SMPDL3B: variants seen among roughly 807,000 people sequenced by gnomAD.
SMPDL3B encodes the protein sphingomyelin phosphodiesterase acid like 3B, also known as acid sphingomyelinase-like phosphodiesterase 3b.
In SMPDL3B, 31 loss-of-function variants were observed where a neutral mutation model predicts 37.9. The observed-to-expected ratio is 0.82, with a 90% CI of 0.61 to 1.10. SMPDL3B has a LOEUF of 1.10. Among genes scored for constraint, SMPDL3B ranks in the 50% least tolerant of loss-of-function variants. The pLI is 0.00. For missense variants in SMPDL3B, 525 were observed against 597.8 expected, an observed-to-expected ratio of 0.88 and a Z score of 1.27; for synonymous variants, 235 against 242.6, an observed-to-expected ratio of 0.97 and a Z score of 0.29.
chr1:27,940,499 G>A (rs537978318), intron 1 of SMPDL3B, among the ~76,000 whole-genome samples: 5 of 151,960 alleles, frequency 3.3e-5, no homozygotes, highest in Non-Finnish European at 5.9e-5. Context: ...GGGGTAGGGG[G>A]CGCTGTTATC....
intron 1 of SMPDL3B, among the ~76,000 whole-genome samples, chr1:27,942,721 T>G (rs2090371058): frequency 6.6e-6 from 1 of 151,750 alleles, no homozygotes; most frequent in South Asian, 2.1e-4. Flanking sequence ...TGGAGTGCAG[T>G]GGCACAATCT....
rs751601384 is a variant in SMPDL3B, at chr1:27,953,365, A to G, written c.517+7A>G. ...ATCGCTCTCTTCAAAAAAGGTACCA[A>G]CACCACCTGCTCCTATCAAGAGCAC... On this transcript the variant is annotated splice_region_variant and intron_variant, in intron 4 of 7. Transcript: ENST00000373894. 44 of 1,607,818 alleles carry G rather than the reference A, an allele frequency of 2.7e-5. No individual in the cohort carries two copies. Among genetic ancestry groups the G allele is most frequent in the Non-Finnish European group, 3.7e-5 (44 of 1,177,328 alleles).
rs61789699 is a variant in SMPDL3B, at chr1:27,957,574, G to A, written c.1006-902G>A. Among the ~76,000 whole-genome samples the A allele has an allele frequency of 7.6e-3, 1,150 of 152,248 alleles. 11 individuals carry two copies. Among genetic ancestry groups the A allele is most frequent in the Middle Eastern group, 0.017 (5 of 294 alleles). On this transcript the variant is annotated intron_variant, in intron 7 of 7. Transcript: ENST00000373894. The stretch of plus-strand genomic sequence containing the variant: ...AGATGTGATCTGGGAGTGGAGAGAG[G>A]ACATTTAAAGCCAACGACTGCATGA...
chr1:27,946,692 CTT>C lies in SMPDL3B; in HGVS notation c.275+1249_275+1250del, dbSNP rs1353736353. 5.9e-5 allele frequency among the ~76,000 whole-genome samples: 9 copies of C among 152,324 alleles called. No individual in the cohort carries two copies. In the East Asian group the frequency reaches 1.7e-3, roughly 29 times the overall value. Reference sequence around the variant, plus strand: ...CGAGGAAGGCTGGAAGGAATTCTGACTTTGCGCTCCCTCTACCAGCCTCAGTG... The same window carrying C: ...CGAGGAAGGCTGGAAGGAATTCTGACTGCGCTCCCTCTACCAGCCTCAGTG... On this transcript the variant is annotated intron_variant, in intron 2 of 7. Coordinates refer to ENST00000373894, the MANE Select transcript of SMPDL3B (RefSeq NM_014474.4).
At chr1:27,935,680 G>A (rs2090301348) in intron 1 of SMPDL3B, among the ~76,000 whole-genome samples, 1 of 152,144 alleles carries the variant, frequency 6.6e-6, no homozygotes, top group Non-Finnish European at 1.5e-5. Context: ...AGTAAAGTAC[G>A]CAGCATTGGA....
intron 3 of SMPDL3B, among the ~76,000 whole-genome samples, chr1:27,951,664 T>C (rs971010149): frequency 6.6e-6 from 1 of 152,118 alleles, no homozygotes; most frequent in Non-Finnish European, 1.5e-5. Context: ...CTGGGCAACA[T>C]AGCAAGACCC....
chr1:27,958,840 C>G lies in SMPDL3B; in HGVS notation c.*2C>G. Reference sequence around the variant, plus strand: ...GGCCTGTGCACGCTCGTGCTGTGACCTGCCAGGCTCACCTTCTTCCTGGTA... The same window carrying G: ...GGCCTGTGCACGCTCGTGCTGTGACGTGCCAGGCTCACCTTCTTCCTGGTA... On this transcript the variant is annotated 3_prime_UTR_variant, in exon 8 of 8. Coordinates refer to ENST00000373894, the MANE Select transcript of SMPDL3B (RefSeq NM_014474.4). The surrounding 1 kb of genome is among the most constrained non-coding windows in gnomAD (Gnocchi z 5.6). 1 of 1,572,928 alleles carries G rather than the reference C, an allele frequency of 6.4e-7. No homozygotes were observed. Among genetic ancestry groups the G allele is most frequent in the Non-Finnish European group, 8.7e-7 (1 of 1,154,748 alleles).
chr1:27,946,541 C>T (rs2148676514), intron 2 of SMPDL3B, among the ~76,000 whole-genome samples: 1 of 152,182 alleles, frequency 6.6e-6, no homozygotes, highest in Non-Finnish European at 1.5e-5. Context: ...ATTGACCCTA[C>T]CCTTACATCC....
Position 27,958,860 on chromosome 1 carries a change from C to G in SMPDL3B, c.*22C>G, listed in dbSNP as rs1360476627. The G allele has an allele frequency of 1.9e-6, 3 of 1,550,142 alleles. No individual in the cohort carries two copies. Among genetic ancestry groups the G allele is most frequent in the Admixed American group, 1.8e-5 (1 of 54,286 alleles). Reference sequence around the variant, plus strand: ...GTGACCTGCCAGGCTCACCTTCTTCCTGGTAACGGGTAACGGGGGCAGCGC... The same window carrying G: ...GTGACCTGCCAGGCTCACCTTCTTCGTGGTAACGGGTAACGGGGGCAGCGC... On this transcript the variant is annotated 3_prime_UTR_variant, in exon 8 of 8. Coordinates refer to ENST00000373894, the MANE Select transcript of SMPDL3B (RefSeq NM_014474.4). The surrounding 1 kb of genome is among the most constrained non-coding windows in gnomAD (Gnocchi z 5.6).
At position 27,945,563 on chromosome 1, in the gene SMPDL3B, T is replaced by C; in HGVS notation, c.275+118T>C. 1.2e-6 allele frequency: 1 copy of C among 840,478 alleles called. No individual in the cohort carries two copies. The allele number at this position is 840,478 out of a possible 1,614,324, so 52.1% of individuals were successfully genotyped here. A position where few individuals can be genotyped will look rare whatever the true frequency, so the allele number is the denominator to read the frequency against. On this transcript the variant is annotated intron_variant, in intron 2 of 7. Transcript: ENST00000373894. This position sits in a 1 kb window ranked among gnomAD's most constrained non-coding sequence, Gnocchi z 4.0. ...TCCTCACATCAGTCTCACGTGAGGC[T>C]GAGGAACCTAAAGCTCAAAGGAATT... is the stretch of plus-strand genomic sequence containing the variant.
chr1:27,946,233 G>A (rs1462174780), intron 2 of SMPDL3B, among the ~76,000 whole-genome samples: 1 of 151,798 alleles, frequency 6.6e-6, no homozygotes, highest in Admixed American at 6.6e-5. Context: ...CACGCCTGTG[G>A]TTCCAGCTAC....
chr1:27,949,669 A>G (rs904680512), intron 3 of SMPDL3B, among the ~76,000 whole-genome samples: 3 of 152,140 alleles, frequency 2.0e-5, no homozygotes, highest in African/African-American at 4.8e-5. Flanking sequence ...CAGCAGCCCT[A>G]CGGGACACTA....
At chr1:27,951,537 C>T (rs927341357) in intron 3 of SMPDL3B, among the ~76,000 whole-genome samples, 2 of 152,202 alleles carry the variant, frequency 1.3e-5, no homozygotes, top group African/African-American at 2.4e-5. Context: ...AACACAGGCA[C>T]GCAAGGCAAA....
chr1:27,953,743 G>A (rs921424663), intron 4 of SMPDL3B, among the ~76,000 whole-genome samples: 8 of 152,294 alleles, frequency 5.3e-5, no homozygotes, highest in Non-Finnish European at 7.4e-5. Flanking sequence ...CAACTGCCAC[G>A]TGTGTTGCAG....
chr1:27,940,870 G>A (rs1325669614), intron 1 of SMPDL3B, among the ~76,000 whole-genome samples: 1 of 152,016 alleles, frequency 6.6e-6, no homozygotes, highest in African/African-American at 2.4e-5. Context: ...CACCTCCCCA[G>A]TCTCACTCCT....
chr1:27,951,987 A>G (rs2090458947), intron 3 of SMPDL3B, among the ~76,000 whole-genome samples: 1 of 152,208 alleles, frequency 6.6e-6, no homozygotes, highest in Admixed American at 6.5e-5. Context: ...TCATTCACTC[A>G]TTTAGTCAAT....
Position 27,958,384 on chromosome 1 carries a change from C to T in SMPDL3B, c.1006-92C>T. On this transcript the variant is annotated intron_variant, in intron 7 of 7. Coordinates refer to ENST00000373894, the MANE Select transcript of SMPDL3B (RefSeq NM_014474.4). The surrounding 1 kb of genome is among the most constrained non-coding windows in gnomAD (Gnocchi z 5.6). ...TAACTACTAGTGGTCATGGTCACTG[C>T]TCTAAAGAACTTGGGGGCAAATGCA... 1 of 1,498,482 alleles carries T rather than the reference C, an allele frequency of 6.7e-7. No individual in the cohort carries two copies. The highest frequency in any genetic ancestry group is 1.3e-5 in the South Asian group (1 of 78,708). The allele number at this position is 1,498,482 out of a possible 1,614,324, so 92.8% of individuals were successfully genotyped here.
chr1:27,942,342 C>A (rs1375035121), intron 1 of SMPDL3B: 3 of 471,056 alleles, frequency 6.4e-6, no homozygotes, highest in African/African-American at 2.0e-5. Context: ...TCCTGGCCAG[C>A]CTGGCTCCGG....
chr1:27,937,092 C>T (rs2090316257), intron 1 of SMPDL3B, among the ~76,000 whole-genome samples: 1 of 152,220 alleles, frequency 6.6e-6, no homozygotes, highest in African/African-American at 2.4e-5. Flanking sequence ...TTTCCAACTC[C>T]AGGTGTCTTC....
Sources: gnomAD v4.1 joint callset for allele counts (sites outside exome capture counted in the v4.1 genomes callset) on GRCh38, gnomAD v4.1.1 for gene constraint, Gnocchi (gnomAD v3.1) non-coding constraint, MANE v1.5 for transcripts, NCBI Gene and HGNC (gene_info 2026-07-23, HGNC 2026-07-21) for gene names.